ZNF736: variants seen among roughly 807,000 people sequenced by gnomAD.
The protein encoded by ZNF736 is zinc finger protein 736.
A neutral mutation model predicts 11.7 loss-of-function variants in ZNF736; 6 were observed. The observed-to-expected ratio is 0.51, with a 90% CI of 0.28 to 1.01. ZNF736 has a LOEUF of 1.01. Ranked by LOEUF, ZNF736 falls within the 50% of genes least tolerant of loss-of-function variation. The pLI is 0.09. For synonymous variants in ZNF736, 139 were observed against 164.7 expected (o/e 0.84, Z 1.19); for missense variants, 444 against 496.0 (o/e 0.90, Z 1.00).
At chr7:64,319,329 A>ATGTGTGTG (rs374489237) in intron 1 of ZNF736, among the ~76,000 whole-genome samples, 20 of 50,524 alleles carry the variant, frequency 4.0e-4, no homozygotes, top group Admixed American at 1.5e-3. Context: ...GTGTGTGTGT[A>ATGTGTGTG]TGTGTATATA....
At chr7:64,316,407 G>C (rs1788919075) in intron 1 of ZNF736, among the ~76,000 whole-genome samples, 2 of 152,230 alleles carry the variant, frequency 1.3e-5, no homozygotes, top group Admixed American at 1.3e-4. Flanking sequence ...CTTGCCCTCT[G>C]GTTTCTCTCA....
chr7:64,341,238 G>T (rs1159403478), intron 3 of ZNF736, among the ~76,000 whole-genome samples: 4 of 150,852 alleles, frequency 2.7e-5, no homozygotes, highest in African/African-American at 7.3e-5. Context: ...TGACATCTTT[G>T]TCAGATAATG....
At chr7:64,319,555 G>A (rs773591547) in intron 1 of ZNF736, among the ~76,000 whole-genome samples, 4 of 128,526 alleles carry the variant, frequency 3.1e-5, no homozygotes, top group Non-Finnish European at 4.7e-5. Flanking sequence ...GAGTGCAGTC[G>A]AGCGGTCTTG....
At chr7:64,335,745 G>A (rs973182705) in intron 1 of ZNF736, among the ~76,000 whole-genome samples, 2 of 152,146 alleles carry the variant, frequency 1.3e-5, no homozygotes, top group African/African-American at 4.8e-5. Context: ...CCTAGGCTGT[G>A]CCACTTACTG....
At chr7:64,339,316 G>C (rs1384025844) in intron 3 of ZNF736, among the ~76,000 whole-genome samples, 1 of 151,916 alleles carries the variant, frequency 6.6e-6, no homozygotes, top group Non-Finnish European at 1.5e-5. Flanking sequence ...GTTTATATTT[G>C]CTTTTATTGC....
intron 3 of ZNF736, among the ~76,000 whole-genome samples, chr7:64,346,922 A>T (rs1204995361): frequency 1.3e-5 from 2 of 151,842 alleles, no homozygotes; most frequent in Non-Finnish European, 2.9e-5. Flanking sequence ...CTTTTAAAAA[A>T]TAGATCAAGA....
intron 1 of ZNF736, among the ~76,000 whole-genome samples, chr7:64,325,188 A>G (rs1047315533): frequency 2.6e-5 from 4 of 152,234 alleles, no homozygotes; most frequent in Middle Eastern, 3.2e-3. Context: ...AAAAGTTGGA[A>G]AAATACATTG....
At chr7:64,344,078 A>AG (rs1789376166) in intron 3 of ZNF736, among the ~76,000 whole-genome samples, 1 of 152,088 alleles carries the variant, frequency 6.6e-6, no homozygotes, top group South Asian at 2.1e-4. Context: ...GAAGGTGGGC[A>AG]GGTCACCTGA....
Position 64,324,225 on chromosome 7 carries a change from A to G in ZNF736, c.3+10072A>G, listed in dbSNP as rs144268604. On this transcript the variant is annotated intron_variant, in intron 1 of 3. Coordinates refer to ENST00000423484, the MANE Select transcript of ZNF736 (RefSeq NM_001170905.3). Reference sequence around the variant, plus strand: ...CAATATGCCCTGGGTTACTCAAAAGAAAATGGAGTTGTTTTGCTCATGTTT... The same window carrying G: ...CAATATGCCCTGGGTTACTCAAAAGGAAATGGAGTTGTTTTGCTCATGTTT... Among the ~76,000 whole-genome samples the G allele has an allele frequency of 3.4e-3, 516 of 152,288 alleles. 16 individuals carry two copies. In the East Asian group the frequency reaches 0.091, roughly 27 times the overall value.
At chr7:64,346,338 T>TA (rs35468691) in intron 3 of ZNF736, among the ~76,000 whole-genome samples, 32,877 of 151,618 alleles carry the variant, frequency 0.22, 3,873 homozygotes, top group Admixed American at 0.25. Flanking sequence ...CTTTTTTTTT[T>TA]ATTAGATCTA....
At chr7:64,316,312 C>T (rs1375137391) in intron 1 of ZNF736, among the ~76,000 whole-genome samples, 1 of 151,370 alleles carries the variant, frequency 6.6e-6, no homozygotes, top group African/African-American at 2.4e-5. Context: ...TTTTTTTCCC[C>T]TCAATCCTAG....
At chr7:64,327,445 C>T (rs74997240) in intron 1 of ZNF736, among the ~76,000 whole-genome samples, 5,229 of 151,986 alleles carry the variant, frequency 0.034, 183 homozygotes, top group East Asian at 0.17. Context: ...AACAAATTGT[C>T]GGGTCTTGGG....
rs1303895518 is a variant in ZNF736, at chr7:64,319,331, G to GTATATA, written c.3+5179_3+5180insATATAT. ...TGTATATGTATGTGTGTGTGTGTAT[G>GTATATA]TGTATATATATATATATATATATAT... On this transcript the variant is annotated intron_variant, in intron 1 of 3. Coordinates refer to ENST00000423484, the MANE Select transcript of ZNF736 (RefSeq NM_001170905.3). 1.2e-3 allele frequency among the ~76,000 whole-genome samples: 92 copies of GTATATA among 75,512 alleles called. 6 individuals carry two copies. The highest frequency in any genetic ancestry group is 1.7e-3 in the Non-Finnish European group (65 of 37,770). The allele number at this position is 75,512 out of a possible 152,430, so 49.5% of individuals were successfully genotyped here.
rs571437820 is a variant in ZNF736 at position 64,335,273 on chromosome 7, A to G, written c.4-986A>G. On this transcript the variant is annotated intron_variant, in intron 1 of 3. Coordinates refer to ENST00000423484, the MANE Select transcript of ZNF736 (RefSeq NM_001170905.3). Reference sequence around the variant, plus strand: ...ATGTATACCTATGTAACAAACCTGCACATGTATCCCAGAACTTAAAGTTTA... The same window carrying G: ...ATGTATACCTATGTAACAAACCTGCGCATGTATCCCAGAACTTAAAGTTTA... 2.0e-5 allele frequency among the ~76,000 whole-genome samples: 3 copies of G among 152,240 alleles called. No homozygotes were observed. The East Asian group carries it at 5.8e-4, about 29-fold the overall frequency.
chr7:64,330,179 C>T lies in ZNF736; in HGVS notation c.4-6080C>T, dbSNP rs147739780. On this transcript the variant is annotated intron_variant, in intron 1 of 3. Coordinates refer to ENST00000423484, the MANE Select transcript of ZNF736 (RefSeq NM_001170905.3). ...GGTTTTTTTTGTTTTGTTTTTGAGA[C>T]GGAGTCTCGCTCTGTAGCCCAGGCT... 2.4e-3 allele frequency among the ~76,000 whole-genome samples: 363 copies of T among 151,956 alleles called. 2 individuals are homozygous for T. Among genetic ancestry groups the T allele is most frequent in the African/African-American group, 8.0e-3 (330 of 41,418 alleles).
rs981652123 is a variant in ZNF736 at position 64,317,926 on chromosome 7, AT to A, written c.3+3782del. On this transcript the variant is annotated intron_variant, in intron 1 of 3. Transcript: ENST00000423484. ...ACATTCTCACATCTGTTTCTAAAATATTTTTTTTTCATCAAGAAACACATTT... is the reference window on the plus strand; with the variant it reads ...ACATTCTCACATCTGTTTCTAAAATATTTTTTTTCATCAAGAAACACATTT... 4.6e-4 allele frequency among the ~76,000 whole-genome samples: 70 copies of A among 151,012 alleles called. No individual in the cohort carries two copies. In the East Asian group the frequency reaches 0.011, roughly 23 times the overall value.
intron 1 of ZNF736, among the ~76,000 whole-genome samples, chr7:64,317,546 C>A (rs142980657): frequency 3.2e-4 from 49 of 152,164 alleles, no homozygotes; most frequent in African/African-American, 1.1e-3. Context: ...AAAGACATTA[C>A]CCTTCAATTT....
Position 64,354,546 on chromosome 7 carries a change from T to G in ZNF736, c.*5399T>G, listed in dbSNP as rs1017937666. 6 of 35,548 alleles carry G rather than the reference T, an allele frequency of 1.7e-4. No individual in the cohort carries two copies. The highest frequency in any genetic ancestry group is 7.1e-4 in the African/African-American group (6 of 8,412). 2.2% of individuals were successfully genotyped at this position (35,548 alleles called of 1,614,324 possible). On this transcript the variant is annotated 3_prime_UTR_variant, in exon 4 of 4. Coordinates refer to ENST00000423484, the MANE Select transcript of ZNF736 (RefSeq NM_001170905.3). ...TTGCTCCTGGCTTAGAATCATCTTG[T>G]GCAAATTCTTTTTTTGTTGTTTGTC... is the stretch of plus-strand genomic sequence containing the variant.
intron 1 of ZNF736, among the ~76,000 whole-genome samples, chr7:64,318,662 T>C (rs1472053636): frequency 2.6e-5 from 4 of 152,232 alleles, no homozygotes; most frequent in Admixed American, 6.5e-5. Context: ...ATTTACTCAA[T>C]TCACATATTC....
Sources: allele counts gnomAD v4.1 joint callset (sites outside exome capture counted in the v4.1 genomes callset), GRCh38; gene constraint gnomAD v4.1.1; transcripts MANE v1.5; gene names NCBI Gene and HGNC (gene_info 2026-07-23, HGNC 2026-07-21).